Variants in RANBP2 observed in about 807,000 individuals in gnomAD.
RANBP2 encodes E3 SUMO-protein ligase RanBP2.
In RANBP2, 57 loss-of-function variants were observed where a neutral mutation model predicts 303.6. The ratio of observed to expected loss-of-function variants is 0.19; its 90% confidence interval spans 0.15 to 0.23. RANBP2 has a LOEUF of 0.23. Ranked by LOEUF, RANBP2 falls within the 10% of genes least tolerant of loss-of-function variation. The pLI is 1.00. For missense variants in RANBP2, 3,138 were observed against 3,780.8 expected (o/e 0.83, Z 4.46); for synonymous variants, 1,167 against 1,301.5 (o/e 0.90, Z 2.23).
chr2:108,876,167 G>A, the RANBP2 span: 2 of 1,612,020 alleles, frequency 1.2e-6, no homozygotes, highest in African/African-American at 1.3e-5. Context: ...CCCAGAGCAT[G>A]CATTTCTCTG....
At chr2:109,027,766 T>TGGGGGGGGGGG in the RANBP2 span, among the ~76,000 whole-genome samples, 1 of 40,482 alleles carries the variant, frequency 2.5e-5, no homozygotes, top group Admixed American at 2.7e-4. Flanking sequence ...GCGGGGTGGG[T>TGGGGGGGGGGG]GGGCGGCAGC....
the RANBP2 span, among the ~76,000 whole-genome samples, chr2:108,853,923 TTA>T: frequency 0.034 from 4,115 of 122,532 alleles, 312 homozygotes; most frequent in African/African-American, 0.13. Context: ...AGTATATATA[TTA>T]TATATAATTT....
chr2:109,164,099 T>A, the RANBP2 span, among the ~76,000 whole-genome samples: 1 of 152,216 alleles, frequency 6.6e-6, no homozygotes, highest in African/African-American at 2.4e-5. Flanking sequence ...GGAGGAGGCC[T>A]ACTCTTCTCT....
chr2:108,916,715 G>A, the RANBP2 span, among the ~76,000 whole-genome samples: 1 of 152,130 alleles, frequency 6.6e-6, no homozygotes, highest in Non-Finnish European at 1.5e-5. Context: ...GAGGAGGTGG[G>A]GGCAAGATGG....
the RANBP2 span, among the ~76,000 whole-genome samples, chr2:109,392,329 A>G: frequency 2.0e-5 from 3 of 152,186 alleles, no homozygotes; most frequent in Admixed American, 6.5e-5. Flanking sequence ...AGCAGTAGCA[A>G]TGGTGCTGCT....
the RANBP2 span, among the ~76,000 whole-genome samples, chr2:109,344,546 T>TGGCTGG: frequency 6.6e-6 from 1 of 152,214 alleles, no homozygotes; most frequent in Non-Finnish European, 1.5e-5. Context: ...CTGAAGCTCA[T>TGGCTGG]AAGCAGCAGG....
rs1677114226 is a variant in RANBP2 at position 108,766,282 on chromosome 2, C to G, written c.5743C>G (p.Pro1915Ala). Residue 1915 changes from proline to alanine, a missense_variant, in exon 20 of 29, where the codon CCT becomes GCT. Coordinates refer to ENST00000283195, the MANE Select transcript of RANBP2 (RefSeq NM_006267.5). Reference protein sequence around the residue: ...PGNQEKKSEKPLENGTGFQAQ... With the variant: ...PGNQEKKSEKALENGTGFQAQ... ...AAATCAAGAAAAGAAAAGTGAAAAG[C>G]CTCTTGAAAATGGTACTGGCTTCCA... The G allele has an allele frequency of 6.2e-7, 1 of 1,611,968 alleles. No homozygotes were observed. The highest frequency in any genetic ancestry group is 1.7e-5 in the Admixed American group (1 of 59,984).
the RANBP2 span, among the ~76,000 whole-genome samples, chr2:109,516,473 G>A: frequency 7.9e-5 from 12 of 152,338 alleles, no homozygotes; most frequent in African/African-American, 1.7e-4. Context: ...CCTGATATGC[G>A]GACACTCAGT....
chr2:109,463,842 T>C, the RANBP2 span, among the ~76,000 whole-genome samples: 2 of 152,188 alleles, frequency 1.3e-5, no homozygotes, highest in Non-Finnish European at 2.9e-5. Context: ...CCTTTCTCCC[T>C]GTCACAACTG....
At chr2:108,787,886 A>G, downstream of RANBP2, 1 of 656,134 alleles carries the variant, frequency 1.5e-6, no homozygotes, top group East Asian at 3.4e-5. Flanking sequence ...TATTGATGAT[A>G]TTAGTTTTGA....
the RANBP2 span, chr2:109,128,036 C>G: frequency 1.3e-5 from 2 of 152,268 alleles, no homozygotes; most frequent in Admixed American, 1.3e-4. Context: ...AGGCCCCCCA[C>G]GACTCTTCTG....
chr2:109,649,649 C>T, the RANBP2 span, among the ~76,000 whole-genome samples: 2 of 152,142 alleles, frequency 1.3e-5, no homozygotes, highest in African/African-American at 4.8e-5. Context: ...CCGCCTTCCT[C>T]GGCCTGCCAA....
At chr2:109,418,170 T>A in the RANBP2 span, among the ~76,000 whole-genome samples, 1 of 152,092 alleles carries the variant, frequency 6.6e-6, no homozygotes. Context: ...TGCTCCAGTT[T>A]CTGCTGGGAC....
the RANBP2 span, among the ~76,000 whole-genome samples, chr2:109,632,999 G>A: frequency 6.6e-6 from 1 of 152,184 alleles, no homozygotes; most frequent in African/African-American, 2.4e-5. Context: ...AGCATGGCTT[G>A]GAGGAGGGGA....
chr2:108,795,750 T>G, the RANBP2 span, among the ~76,000 whole-genome samples: 1 of 152,140 alleles, frequency 6.6e-6, no homozygotes, highest in African/African-American at 2.4e-5. Context: ...GTGTAAGGAA[T>G]TGGAAATGAG....
chr2:108,879,680 A>G, the RANBP2 span, among the ~76,000 whole-genome samples: 3 of 152,216 alleles, frequency 2.0e-5, no homozygotes, highest in South Asian at 2.1e-4. Flanking sequence ...GGGTCTTTTA[A>G]TTGTTACCAT....
chr2:109,139,499 G>A, the RANBP2 span, among the ~76,000 whole-genome samples: 1 of 152,180 alleles, frequency 6.6e-6, no homozygotes, highest in South Asian at 2.1e-4. Context: ...TTCTGTGGCT[G>A]AATTTGTGTT....
At chr2:108,837,061 G>GT in the RANBP2 span, among the ~76,000 whole-genome samples, 1 of 152,016 alleles carries the variant, frequency 6.6e-6, no homozygotes, top group African/African-American at 2.4e-5. Flanking sequence ...TTCTTGCCCA[G>GT]TTTCACTGGC....
chr2:108,855,184 A>C, the RANBP2 span, among the ~76,000 whole-genome samples: 1 of 152,224 alleles, frequency 6.6e-6, no homozygotes, highest in African/African-American at 2.4e-5. Flanking sequence ...AAATGAAGAC[A>C]AAATGAGGAC....
Sources: gnomAD v4.1 joint callset for allele counts (sites outside exome capture counted in the v4.1 genomes callset) on GRCh38, gnomAD v4.1.1 for gene constraint, MANE v1.5 for transcripts, NCBI Gene and HGNC (gene_info 2026-07-23, HGNC 2026-07-21) for gene names.